OR14A2: variants seen among roughly 807,000 people sequenced by gnomAD.
OR14A2 encodes olfactory receptor family 14 subfamily A member 2.
For synonymous variants in OR14A2, 114 were observed against 58.6 expected (o/e 1.95, Z -4.32); for missense variants, 237 against 152.9 (o/e 1.55, Z -2.90).
the OR14A2 span, among the ~76,000 whole-genome samples, chr1:247,734,600 A>G: frequency 2.0e-3 from 309 of 152,328 alleles, no homozygotes; most frequent in Middle Eastern, 3.4e-3. Context: ...AAAATACTCA[A>G]TGTTGCTAAA....
At chr1:247,726,970 G>A (rs1362777235), upstream of OR14A2, among the ~76,000 whole-genome samples, 1 of 147,460 alleles carries the variant, frequency 6.8e-6, no homozygotes, top group African/African-American at 2.6e-5. Flanking sequence ...GTAGTGTGAT[G>A]CCTCCAGCTT....
the OR14A2 span, among the ~76,000 whole-genome samples, chr1:247,743,866 G>C: frequency 2.6e-5 from 4 of 151,900 alleles, no homozygotes; most frequent in Admixed American, 2.6e-4. Context: ...CTGTTTCATT[G>C]AAGGTTTATT....
chr1:247,737,539 T>C, the OR14A2 span, among the ~76,000 whole-genome samples: 7,942 of 152,220 alleles, frequency 0.052, 281 homozygotes, highest in Middle Eastern at 0.13. Flanking sequence ...CTCCTCTGTT[T>C]GACCTGCTGG....
At chr1:247,747,404 C>G in the OR14A2 span, among the ~76,000 whole-genome samples, 21 of 150,572 alleles carry the variant, frequency 1.4e-4, no homozygotes, top group South Asian at 4.4e-3. Context: ...CTCTGTTGCC[C>G]AGGCTGGAGT....
At chr1:247,727,345 G>C (rs1660399977), upstream of OR14A2, among the ~76,000 whole-genome samples, 1 of 149,186 alleles carries the variant, frequency 6.7e-6, no homozygotes, top group African/African-American at 2.6e-5. Flanking sequence ...GTCTGTTGTT[G>C]GTATGTAAGA....
At chr1:247,736,912 A>T in the OR14A2 span, among the ~76,000 whole-genome samples, 1 of 152,198 alleles carries the variant, frequency 6.6e-6, no homozygotes, top group African/African-American at 2.4e-5. Context: ...TTTGCAACAT[A>T]GTAAGAAATT....
At chr1:247,730,735 T>C in the OR14A2 span, among the ~76,000 whole-genome samples, 2 of 152,020 alleles carry the variant, frequency 1.3e-5, no homozygotes, top group African/African-American at 2.4e-5. Context: ...ATATATATAT[T>C]TGAAGGCCTG....
chr1:247,727,842 C>T (rs201190494), upstream of OR14A2, among the ~76,000 whole-genome samples: 7,655 of 145,280 alleles, frequency 0.053, 279 homozygotes, highest in East Asian at 0.22. Context: ...ATAAATTCCT[C>T]GACACATACA....
At chr1:247,741,569 A>G in the OR14A2 span, among the ~76,000 whole-genome samples, 2,397 of 152,344 alleles carry the variant, frequency 0.016, 69 homozygotes, top group African/African-American at 0.054. Context: ...ATTTTTAGAG[A>G]GCAACCATAC....
the OR14A2 span, among the ~76,000 whole-genome samples, chr1:247,730,268 G>A: frequency 6.6e-6 from 1 of 151,912 alleles, no homozygotes; most frequent in East Asian, 1.9e-4. Context: ...AACTCAAATC[G>A]TTACAAATCC....
upstream of OR14A2, among the ~76,000 whole-genome samples, chr1:247,727,078 T>G (rs1313049766): frequency 6.6e-6 from 1 of 150,918 alleles, no homozygotes; most frequent in Non-Finnish European, 1.5e-5. Flanking sequence ...AGAAAGTCAT[T>G]GGTAGCTTGA....
At chr1:247,729,858 C>CA in the OR14A2 span, among the ~76,000 whole-genome samples, 2 of 151,866 alleles carry the variant, frequency 1.3e-5, no homozygotes, top group East Asian at 1.9e-4. Flanking sequence ...TTCAATTTTA[C>CA]AAAAAAAGAT....
chr1:247,723,579 A>C (rs1228062231), exon 1 of OR14A2: 1 of 718,234 alleles, frequency 1.4e-6, no homozygotes, highest in Non-Finnish European at 2.6e-6. Context: ...CTGTGTACGC[A>C]GTACCAAAGA....
chr1:247,723,041 A>C (rs979442630), downstream of OR14A2: 1 of 624,018 alleles, frequency 1.6e-6, no homozygotes, highest in Non-Finnish European at 2.9e-6. Flanking sequence ...AAAGTTACAA[A>C]TAAGGAAAGT....
the OR14A2 span, among the ~76,000 whole-genome samples, chr1:247,733,929 C>A: frequency 6.6e-6 from 1 of 152,032 alleles, no homozygotes. Flanking sequence ...AAACAGCTAC[C>A]AGAGCTACTA....
chr1:247,739,560 C>T, the OR14A2 span: 1 of 767,890 alleles, frequency 1.3e-6, no homozygotes, highest in African/African-American at 1.7e-5. Context: ...GAAAAGATGA[C>T]TAAAGTTGAA....
chr1:247,734,629 T>C, the OR14A2 span, among the ~76,000 whole-genome samples: 25 of 152,340 alleles, frequency 1.6e-4, no homozygotes, highest in Non-Finnish European at 3.2e-4. Context: ...GTTTTCTACA[T>C]TGATCTAGAT....
chr1:247,731,252 C>T, the OR14A2 span, among the ~76,000 whole-genome samples: 3 of 151,530 alleles, frequency 2.0e-5, no homozygotes, highest in Non-Finnish European at 4.4e-5. Context: ...TGATAGTTGC[C>T]CCTCCAAACC....
chr1:247,736,826 C>A, the OR14A2 span, among the ~76,000 whole-genome samples: 2 of 152,192 alleles, frequency 1.3e-5, no homozygotes, highest in Non-Finnish European at 2.9e-5. Flanking sequence ...CATGAATTAG[C>A]TCATGTTATG....
Sources: allele counts gnomAD v4.1 joint callset (sites outside exome capture counted in the v4.1 genomes callset), GRCh38; gene constraint gnomAD v4.1.1; transcripts MANE v1.5; gene names NCBI Gene and HGNC (gene_info 2026-07-23, HGNC 2026-07-21).